The following FSHR variants were observed in gnomAD, a reference collection of about 807,000 sequenced individuals.
The protein encoded by FSHR is follicle stimulating hormone receptor.
Under a neutral mutation model 52.1 loss-of-function variants are expected in FSHR, and 46 were observed. The ratio of observed to expected loss-of-function variants is 0.88; its 90% CI spans 0.70 to 1.13. The LOEUF (loss-of-function observed/expected upper bound fraction) is 1.13, where lower values mean the gene tolerates loss of function less well. FSHR is among the 50% of genes most tolerant of loss of function. The pLI is 0.00. For synonymous variants in FSHR, 399 were observed against 309.6 expected (o/e 1.29, Z -3.03); for missense variants, 964 against 834.6 (o/e 1.16, Z -1.91).
intron 2 of FSHR, among the ~76,000 whole-genome samples, chr2:49,060,077 T>A (rs1474677733): frequency 6.6e-6 from 1 of 152,034 alleles, no homozygotes; most frequent in Non-Finnish European, 1.5e-5. Context: ...GACATATAAA[T>A]GGCCAACACA....
intron 8 of FSHR, among the ~76,000 whole-genome samples, chr2:48,979,270 C>A (rs1675131095): frequency 5.3e-5 from 8 of 152,028 alleles, no homozygotes. Context: ...CATAGTGAGA[C>A]CCTGTCTCTG....
intron 1 of FSHR, among the ~76,000 whole-genome samples, chr2:49,143,991 G>A (rs1672781846): frequency 1.3e-5 from 2 of 152,078 alleles, no homozygotes; most frequent in Non-Finnish European, 2.9e-5. Flanking sequence ...GAACAGTCAT[G>A]GGAGTGCCCC....
chr2:49,044,572 G>T (rs1277514163), intron 2 of FSHR, among the ~76,000 whole-genome samples: 4 of 152,146 alleles, frequency 2.6e-5, no homozygotes, highest in Non-Finnish European at 5.9e-5. Context: ...TAGGTTTCCT[G>T]TGGGCTCCAT....
intron 1 of FSHR, among the ~76,000 whole-genome samples, chr2:49,106,446 T>C (rs1463750426): frequency 6.6e-6 from 1 of 152,164 alleles, no homozygotes; most frequent in African/African-American, 2.4e-5. Flanking sequence ...AAAGCTTAAA[T>C]TCCAGAATAA....
At chr2:49,093,811 G>C (rs1228100241) in intron 1 of FSHR, among the ~76,000 whole-genome samples, 1 of 151,852 alleles carries the variant, frequency 6.6e-6, no homozygotes, top group Admixed American at 6.6e-5. Context: ...TGGCCAGGCT[G>C]GTCTCGAACT....
At chr2:49,008,270 T>C (rs528368043) in intron 4 of FSHR, among the ~76,000 whole-genome samples, 72 of 133,950 alleles carry the variant, frequency 5.4e-4, no homozygotes, top group Admixed American at 2.6e-3. Flanking sequence ...AGTGAGAATA[T>C]GCGGTGTTTG....
At chr2:48,992,731 G>T (rs1675842730) in intron 4 of FSHR, among the ~76,000 whole-genome samples, 1 of 151,964 alleles carries the variant, frequency 6.6e-6, no homozygotes, top group Non-Finnish European at 1.5e-5. Flanking sequence ...CAACTTTTGG[G>T]TCTGGCTTCT....
At chr2:49,086,708 T>G (rs558417986) in intron 1 of FSHR, among the ~76,000 whole-genome samples, 60 of 152,336 alleles carry the variant, frequency 3.9e-4, no homozygotes, top group African/African-American at 1.4e-3. Context: ...TGGTGCAATC[T>G]TGGCTCATTG....
At chr2:49,140,019 T>C (rs1672622194) in intron 1 of FSHR, among the ~76,000 whole-genome samples, 2 of 152,192 alleles carry the variant, frequency 1.3e-5, no homozygotes, top group Non-Finnish European at 2.9e-5. Context: ...TGGGGGCAAC[T>C]GAGCCAGCTT....
At chr2:49,087,070 GTTTTTTTTTTTT>G (rs56890721) in intron 1 of FSHR, among the ~76,000 whole-genome samples, 11 of 86,730 alleles carry the variant, frequency 1.3e-4, no homozygotes, top group South Asian at 5.3e-4. Flanking sequence ...TGTGGGCAGG[GTTTTTTTTTTTT>G]TTTTTTTTTT....
At chr2:49,019,150 A>G (rs939957085) in intron 3 of FSHR, among the ~76,000 whole-genome samples, 8 of 152,344 alleles carry the variant, frequency 5.3e-5, no homozygotes, top group African/African-American at 1.9e-4. Flanking sequence ...TTAGTTGACA[A>G]ACACACAATA....
intron 4 of FSHR, among the ~76,000 whole-genome samples, chr2:49,001,681 A>G (rs1023377033): frequency 2.6e-5 from 4 of 152,162 alleles, no homozygotes; most frequent in Admixed American, 2.6e-4. Flanking sequence ...AACTTAGCCC[A>G]AGAAGATGAT....
chr2:49,146,131 A>G (rs1003330130), intron 1 of FSHR, among the ~76,000 whole-genome samples: 3 of 152,054 alleles, frequency 2.0e-5, no homozygotes, highest in Non-Finnish European at 2.9e-5. Context: ...AAGATCTCAG[A>G]GCAGGGATCT....
At chr2:49,019,941 G>T in intron 3 of FSHR, 145 bp downstream of exon 3, 1 of 797,728 alleles carries the variant, frequency 1.3e-6, no homozygotes, top group African/African-American at 1.7e-5. Flanking sequence ...ACATTACAGT[G>T]CCTTTTAGGC....
rs986277269 is a variant in FSHR, at chr2:49,112,344, G to A, written c.152+41922C>T. On this transcript the variant is annotated intron_variant, in intron 1 of 9. Transcript: ENST00000406846. The stretch of plus-strand genomic sequence containing the variant: ...ATAGAATACACACACAATAGAACAC[G>A]GAAATATTTATGATGAAACAATAAT... Among the ~76,000 whole-genome samples, 40 of 151,966 alleles carry A rather than the reference G, an allele frequency of 2.6e-4. 1 individual carries two copies. Among genetic ancestry groups the A allele is most frequent in the African/African-American group, 4.6e-4 (19 of 41,374 alleles).
At chr2:49,109,534 T>C (rs1371119290) in intron 1 of FSHR, among the ~76,000 whole-genome samples, 1 of 151,896 alleles carries the variant, frequency 6.6e-6, no homozygotes, top group Non-Finnish European at 1.5e-5. Flanking sequence ...GAGGACATAG[T>C]GGTTGTTCTG....
In FSHR at chr2:49,067,935, G is replaced by A. The variant is rs147613306; in HGVS notation, c.224+284C>T. Among the ~76,000 whole-genome samples the A allele has an allele frequency of 3.7e-3, 563 of 151,778 alleles. 6 individuals are homozygous for A. Among genetic ancestry groups the A allele is most frequent in the African/African-American group, 0.013 (525 of 41,416 alleles). ...TGTCTGCAGAAAAGAAGAGGCTTTG[G>A]TTTATGAAAATTCCATTCACCGGTA... On this transcript the variant is annotated intron_variant, in intron 2 of 9. Coordinates refer to ENST00000406846, the MANE Select transcript of FSHR (RefSeq NM_000145.4).
chr2:49,100,601 T>A (rs942095337), intron 1 of FSHR, among the ~76,000 whole-genome samples: 1 of 152,166 alleles, frequency 6.6e-6, no homozygotes. Context: ...GCACCCATCC[T>A]GTGGTCGTGA....
At chr2:49,017,370 C>T in intron 4 of FSHR, 119 bp downstream of exon 4, 1 of 726,134 alleles carries the variant, frequency 1.4e-6, no homozygotes, top group Non-Finnish European at 2.4e-6. Context: ...CCACTTCTGC[C>T]CCCCACCACC....
Sources: gnomAD v4.1 joint callset for allele counts (sites outside exome capture counted in the v4.1 genomes callset) on GRCh38, gnomAD v4.1.1 for gene constraint, MANE v1.5 for transcripts, NCBI Gene and HGNC (gene_info 2026-07-23, HGNC 2026-07-21) for gene names.